Variants in BRAP observed in about 807,000 individuals in gnomAD.
BRAP encodes BRCA1-associated protein.
BRAP carries 42 observed loss-of-function variants against 73.4 expected under a neutral mutation model. The observed-to-expected ratio is 0.57, with a 90% confidence interval of 0.45 to 0.74. The LOEUF (loss-of-function observed/expected upper bound fraction) is 0.74. Ranked by LOEUF, BRAP falls within the 30% of genes least tolerant of loss-of-function variation. The pLI is 0.00. For missense variants in BRAP, 593 were observed against 751.4 expected, an observed-to-expected ratio of 0.79 and a Z score of 2.46; for synonymous variants, 255 against 267.4, an observed-to-expected ratio of 0.95 and a Z score of 0.45.
chr12:111,671,197 A>G (rs1046919142), intron 5 of BRAP, among the ~76,000 whole-genome samples: 1 of 152,208 alleles, frequency 6.6e-6, no homozygotes, highest in Admixed American at 6.6e-5. Context: ...CAGTGACCAC[A>G]TAATATAGGA....
intron 5 of BRAP, among the ~76,000 whole-genome samples, chr12:111,666,483 GCAGA>G (rs1886949617): frequency 1.3e-5 from 2 of 152,192 alleles, no homozygotes. Context: ...GCTATGTGCA[GCAGA>G]CAGACACTGT....
At chr12:111,652,639 G>T (rs954042395) in intron 10 of BRAP, among the ~76,000 whole-genome samples, 1 of 152,184 alleles carries the variant, frequency 6.6e-6, no homozygotes, top group Non-Finnish European at 1.5e-5. Flanking sequence ...CCTCTGGGAG[G>T]GCCGTGGCAG....
intron 1 of BRAP, among the ~76,000 whole-genome samples, chr12:111,684,406 G>T (rs146114417): frequency 6.6e-6 from 1 of 152,274 alleles, no homozygotes; most frequent in African/African-American, 2.4e-5. Flanking sequence ...CAGCTTCAAA[G>T]GTCACGTCCT....
chr12:111,653,873 C>T (rs1006391366), intron 10 of BRAP, among the ~76,000 whole-genome samples: 4 of 152,180 alleles, frequency 2.6e-5, no homozygotes, highest in Non-Finnish European at 4.4e-5. Flanking sequence ...GCACCCCAAG[C>T]GTTTTATTTA....
rs574047287 is a variant in BRAP, at chr12:111,660,982, AT to A, written c.897-308del. 7.5e-3 allele frequency among the ~76,000 whole-genome samples: 1,090 copies of A among 144,482 alleles called. 3 individuals carry two copies. Among genetic ancestry groups the A allele is most frequent in the African/African-American group, 0.02 (787 of 39,854 alleles). The allele number at this position is 144,482 out of a possible 152,430, so 94.8% of individuals were successfully genotyped here. On this transcript the variant is annotated intron_variant, in intron 6 of 11. Coordinates refer to ENST00000419234, the MANE Select transcript of BRAP (RefSeq NM_006768.5). ...TTCATTTCATGTCTGATTATTTATA[AT>A]TTTTTTTTTTTTTTGAGACAGAGTC...
At chr12:111,663,254 G>A (rs1053285485) in intron 6 of BRAP, among the ~76,000 whole-genome samples, 12 of 152,120 alleles carry the variant, frequency 7.9e-5, no homozygotes, top group Middle Eastern at 3.4e-3. Flanking sequence ...AGCAGTTCGA[G>A]ACCAGCTGGG....
At chr12:111,645,267 C>T (rs1886066723) in intron 11 of BRAP, among the ~76,000 whole-genome samples, 1 of 151,524 alleles carries the variant, frequency 6.6e-6, no homozygotes. Context: ...CGGGGTTTCA[C>T]CATCTTGGCC....
chr12:111,662,307 T>G (rs1170916510), intron 6 of BRAP, among the ~76,000 whole-genome samples: 1 of 152,036 alleles, frequency 6.6e-6, no homozygotes, highest in African/African-American at 2.4e-5. Context: ...TCCCAGCACT[T>G]TGGGAGACCT....
chr12:111,673,510 GA>G (rs11350832), intron 4 of BRAP, among the ~76,000 whole-genome samples: 98,620 of 118,586 alleles, frequency 0.83, 39,662 homozygotes, highest in Middle Eastern at 0.88. Flanking sequence ...ATCTCAAAAA[GA>G]AAAAAAAAAA....
At chr12:111,676,521 C>T (rs143126462) in intron 4 of BRAP, among the ~76,000 whole-genome samples, 3 of 152,170 alleles carry the variant, frequency 2.0e-5, no homozygotes, top group African/African-American at 7.2e-5. Context: ...TCAATAGTTT[C>T]TCCTGCCTCA....
In BRAP at chr12:111,685,700, G is replaced by A. The variant is rs779762879; in HGVS notation, c.82+11C>T. On this transcript the variant is annotated intron_variant, in intron 1 of 11. Transcript: ENST00000419234. ...CGGCTACAGGGAATGCGGCGAGGCCGCGGGACTCACCCGCGGCGCTGAAGC... is the reference window on the plus strand; with the variant it reads ...CGGCTACAGGGAATGCGGCGAGGCCACGGGACTCACCCGCGGCGCTGAAGC... 4 of 1,600,404 alleles carry A rather than the reference G, an allele frequency of 2.5e-6. No homozygotes were observed. The South Asian group carries it at 4.5e-5, about 18-fold the overall frequency.
chr12:111,678,568 A>C (rs865787087), intron 4 of BRAP, among the ~76,000 whole-genome samples: 1 of 151,458 alleles, frequency 6.6e-6, no homozygotes, highest in African/African-American at 2.4e-5. Flanking sequence ...GAGGCAGGAA[A>C]ATCGCTTGAA....
At chr12:111,646,700 G>C (rs1389379795) in intron 11 of BRAP, among the ~76,000 whole-genome samples, 1 of 152,126 alleles carries the variant, frequency 6.6e-6, no homozygotes, top group Non-Finnish European at 1.5e-5. Context: ...TTGAACCCTA[G>C]AGGCGGAGGC....
chr12:111,666,923 A>AT (rs927152901), intron 5 of BRAP, among the ~76,000 whole-genome samples: 1 of 151,564 alleles, frequency 6.6e-6, no homozygotes, highest in Admixed American at 6.6e-5. Flanking sequence ...TATCACGTCA[A>AT]TTTTTTTTTG....
At chr12:111,652,038 T>A (rs1440453127) in intron 10 of BRAP, among the ~76,000 whole-genome samples, 1 of 152,188 alleles carries the variant, frequency 6.6e-6, no homozygotes, top group African/African-American at 2.4e-5. Context: ...AATATTATTT[T>A]AAAATAACAG....
chr12:111,655,977 AC>A (rs1886515291), intron 9 of BRAP, among the ~76,000 whole-genome samples: 1 of 152,106 alleles, frequency 6.6e-6, no homozygotes, highest in African/African-American at 2.4e-5. Flanking sequence ...TGTCTCCCTG[AC>A]CCCATGAAGC....
At chr12:111,680,618 G>T (rs139862452) in intron 3 of BRAP, among the ~76,000 whole-genome samples, 2,353 of 151,940 alleles carry the variant, frequency 0.015, 71 homozygotes, top group African/African-American at 0.054. Context: ...GCTTGAACCC[G>T]GGAGGGGAGG....
intron 4 of BRAP, among the ~76,000 whole-genome samples, chr12:111,675,584 A>G (rs574153257): frequency 1.5e-4 from 22 of 151,218 alleles, no homozygotes; most frequent in African/African-American, 5.1e-4. Flanking sequence ...TAAATGCACT[A>G]AACAAAAGCC....
rs1449945336 is a variant in BRAP, at chr12:111,679,288, G to C, written c.496C>G (p.Leu166Val). ...CTGGTCATTGCAGCAGGGACTGTGAGAATACACAGCATGGCACTGCGCCGC... is the reference window on the plus strand; with the variant it reads ...CTGGTCATTGCAGCAGGGACTGTGACAATACACAGCATGGCACTGCGCCGC... ...DVRRSAMLCILTVPAAMTSHD... is the reference protein window; with the variant it reads ...DVRRSAMLCIVTVPAAMTSHD... The change falls in exon 4 of 12, where the codon CTC becomes GTC. Residue 166 changes from leucine to valine, a missense_variant. Physicochemically the swap from Leu to Val is conservative, Grantham distance 32 (BLOSUM62 1). This residue lies in a region of BRAP where 304 missense variants were observed against 337.7 expected (regional missense o/e 0.90). Transcript: ENST00000419234. 6.2e-7 allele frequency: 1 copy of C among 1,606,220 alleles called. No homozygotes were observed. The highest frequency in any genetic ancestry group is 1.3e-5 in the African/African-American group (1 of 74,728).
Sources: gnomAD v4.1 joint callset for allele counts (sites outside exome capture counted in the v4.1 genomes callset) on GRCh38, gnomAD v4.1.1 for gene constraint, gnomAD v4.1.1 regional missense constraint, MANE v1.5 for transcripts, NCBI Gene and HGNC (gene_info 2026-07-23, HGNC 2026-07-21) for gene names.